The following FLT4 variants were observed in gnomAD, a reference collection of about 807,000 sequenced individuals.
FLT4 encodes vascular endothelial growth factor receptor 3.
A neutral mutation model predicts 163.2 loss-of-function variants in FLT4; 30 were observed. The observed-to-expected ratio is 0.18, with a 90% CI of 0.14 to 0.25. The LOEUF is 0.25. Ranked by LOEUF, FLT4 falls within the 10% of genes least tolerant of loss-of-function variation. FLT4 has a pLI of 1.00. For missense variants in FLT4, 1,510 were observed against 1,863.8 expected, an observed-to-expected ratio of 0.81 and a Z score of 3.50; for synonymous variants, 884 against 789.5, an observed-to-expected ratio of 1.12 and a Z score of -2.01.
At chr5:180,615,475 A>ACCGGTCACCTCCCTTC (rs1762599613) in intron 23 of FLT4, among the ~76,000 whole-genome samples, 1 of 32,330 alleles carries the variant, frequency 3.1e-5, no homozygotes, top group Admixed American at 5.0e-4. Flanking sequence ...CACTTCCGAA[A>ACCGGTCACCTCCCTTC]TCCACTGTCT....
At position 180,620,521 on chromosome 5, in the gene FLT4, G is replaced by C; in HGVS notation, c.2406+88C>G. 1 of 1,223,310 alleles carries C rather than the reference G, an allele frequency of 8.2e-7. No individual in the cohort carries two copies. The highest frequency in any genetic ancestry group is 1.5e-5 in the African/African-American group (1 of 67,608). The allele number at this position is 1,223,310 out of a possible 1,614,324, so 75.8% of individuals were successfully genotyped here. On this transcript the variant is annotated intron_variant, in intron 16 of 29. Transcript: ENST00000261937. This position sits in a 1 kb window ranked among gnomAD's most constrained non-coding sequence, Gnocchi z 4.4. ...GGAAACAAGGCTGCCAGGTGAACTAGGGCGGGCACCTTATTCTTTATCTTA... is the reference window on the plus strand; with the variant it reads ...GGAAACAAGGCTGCCAGGTGAACTACGGCGGGCACCTTATTCTTTATCTTA...
chr5:180,610,988 C>T (rs11746100), intron 27 of FLT4, among the ~76,000 whole-genome samples: 34,005 of 151,952 alleles, frequency 0.22, 4,294 homozygotes, highest in Middle Eastern at 0.31. Flanking sequence ...ACCTGGGAGG[C>T]GGAGCTTGCG....
chr5:180,629,794 G>C lies in FLT4; in HGVS notation c.718C>G (p.Leu240Val). 1 of 1,612,578 alleles carries C rather than the reference G, an allele frequency of 6.2e-7. No individual in the cohort carries two copies. Among genetic ancestry groups the C allele is most frequent in the East Asian group, 2.2e-5 (1 of 44,860 alleles). Residue 240 changes from leucine to valine, a missense_variant, in exon 6 of 30, where the codon CTG becomes GTG. Physicochemically the swap from Leu to Val is conservative, Grantham distance 32. Transcript: ENST00000261937. ...YDIQLLPRKS[L>V]ELLVGEKLVL... ...AGCTTCTCCCCTACCAGCAGCTCCA[G>C]CGACTTCCTGGGCAACAGCTGGATG...
rs1349129501 is a variant in FLT4 at position 180,619,868 on chromosome 5, G to C, written c.2543-99C>G. On this transcript the variant is annotated intron_variant, in intron 17 of 29. Transcript: ENST00000261937. ...CCCGTGCAGAGGTCCAGGAGGACAG[G>C]CCTGGCAGCAGGAGGAGCGTGGGGA... The C allele has an allele frequency of 4.7e-5, 42 of 892,006 alleles. No homozygotes were observed. The South Asian group carries it at 5.7e-4, about 12-fold the overall frequency. 55.3% of individuals were successfully genotyped at this position (892,006 alleles called of 1,614,324 possible). A position where few individuals can be genotyped will look rare whatever the true frequency, so the allele number is the denominator to read the frequency against.
At position 180,629,962 on chromosome 5, in the gene FLT4, G is replaced by A. The variant is rs372072577; in HGVS notation, c.657C>T (p.Pro219=). ...TWGDQDFLSN[P]FLVHITGNEL... ...TGTTACCTGTGATGTGCACCAGGAA[G>A]GGGTTGGAAAGGAAGTCCTGGTCTC... The change falls in exon 5 of 30, where the codon CCC becomes CCT. Residue 219 remains proline (P), a synonymous_variant. Transcript: ENST00000261937. 5.6e-6 allele frequency: 9 copies of A among 1,612,776 alleles called. No individual in the cohort carries two copies. Among genetic ancestry groups the A allele is most frequent in the Non-Finnish European group, 7.6e-6 (9 of 1,180,026 alleles).
intron 1 of FLT4, among the ~76,000 whole-genome samples, chr5:180,640,661 C>T (rs1765034741): frequency 6.6e-6 from 1 of 152,232 alleles, no homozygotes. Context: ...GGAGGGAAAA[C>T]CCAGCCCAGC....
At chr5:180,632,832 C>T (rs1413993995) in intron 1 of FLT4, among the ~76,000 whole-genome samples, 1 of 151,998 alleles carries the variant, frequency 6.6e-6, no homozygotes, top group Non-Finnish European at 1.5e-5. Flanking sequence ...GGGAGCAGGC[C>T]CCAGGGGAGG....
chr5:180,611,535 C>A, intron 26 of FLT4, 56 bp from the exon 27 acceptor site: 1 of 1,594,866 alleles, frequency 6.3e-7, no homozygotes, highest in Non-Finnish European at 8.6e-7. Context: ...TGCCCTCAGC[C>A]CTCGCCCCCA....
intron 1 of FLT4, among the ~76,000 whole-genome samples, chr5:180,640,199 G>T (rs139156729): frequency 6.6e-6 from 1 of 152,148 alleles, no homozygotes; most frequent in Non-Finnish European, 1.5e-5. Context: ...CACTAGCAGC[G>T]AGCGAGGTGG....
intron 1 of FLT4, 49 bp downstream of exon 1, chr5:180,649,439 T>G: frequency 7.2e-7 from 1 of 1,384,046 alleles, no homozygotes; most frequent in Admixed American, 2.5e-5. Flanking sequence ...CGGTACCCCC[T>G]CCCCGGCCAG....
At chr5:180,644,744 G>A (rs768180356) in intron 1 of FLT4, among the ~76,000 whole-genome samples, 1 of 152,286 alleles carries the variant, frequency 6.6e-6, no homozygotes, top group African/African-American at 2.4e-5. Flanking sequence ...CGCCACATCT[G>A]TGTGCATGTG....
At position 180,621,203 on chromosome 5, in the gene FLT4, G is replaced by A. The variant is rs1377949089; in HGVS notation, c.2070C>T (p.Asn690=). 6 of 1,612,810 alleles carry A rather than the reference G, an allele frequency of 3.7e-6. No homozygotes were observed. In the South Asian group the frequency reaches 5.5e-5, roughly 15 times the overall value. ...LTQNLTDLLV[N]VSDSLEMQCL... ...ACTGCATCTCCAGCGAGTCGCTCAC[G>A]TTCACCAGGAGGTCGGTCAAGTTCT... is the stretch of plus-strand genomic sequence containing the variant. Residue 690 remains asparagine (N), a synonymous_variant, in exon 14 of 30, where the codon AAC becomes AAT. Transcript: ENST00000261937.
chr5:180,626,092 T>A lies in FLT4; in HGVS notation c.1258+19A>T, dbSNP rs369435586. 97 of 1,612,644 alleles carry A rather than the reference T, an allele frequency of 6.0e-5. No individual in the cohort carries two copies. In the African/African-American group the frequency reaches 1.1e-3, roughly 19 times the overall value. On this transcript the variant is annotated intron_variant, in intron 9 of 29. Coordinates refer to ENST00000261937, the MANE Select transcript of FLT4 (RefSeq NM_182925.5). ...AATGCCAGGCCGCCCACCCGTGCGC[T>A]CTCCCGTCCCTGACCTACCATTCAC... is the stretch of plus-strand genomic sequence containing the variant.
chr5:180,626,170 G>A lies in FLT4; in HGVS notation c.1199C>T (p.Ala400Val), dbSNP rs140137910. The change falls in exon 9 of 30, where the codon GCC becomes GTC. Residue 400 changes from alanine (A) to valine (V), a missense_variant. Ala to Val is a moderately conservative substitution (Grantham distance 64). Transcript: ENST00000261937. ...CAGGCCAGCAGCGGAGTTCCACAGG[G>A]CGAGGGTGTAGGTGCCTGTGCTGGC... The part of the protein sequence containing the change: ...TEASTGTYTL[A>V]LWNSAAGLRR... 6.2e-7 allele frequency: 1 copy of A among 1,612,862 alleles called. No homozygotes were observed.
At chr5:180,626,343 T>C (rs1763611171) in intron 8 of FLT4, 78 bp from the exon 9 acceptor site, 20 of 1,511,132 alleles carry the variant, frequency 1.3e-5, no homozygotes, top group Non-Finnish European at 1.7e-5. Flanking sequence ...CCACCCCAAA[T>C]ACAGTTGGGA....
chr5:180,625,085 A>C (rs1763496304), intron 10 of FLT4, among the ~76,000 whole-genome samples: 1 of 152,202 alleles, frequency 6.6e-6, no homozygotes, highest in Non-Finnish European at 1.5e-5. Context: ...CCAGAGCCAC[A>C]GCCAGTGGGG....
chr5:180,648,728 A>G (rs1765600394), intron 1 of FLT4, among the ~76,000 whole-genome samples: 1 of 100,378 alleles, frequency 1.0e-5, no homozygotes, highest in Admixed American at 1.0e-4. Context: ...CGCCAGAGCC[A>G]CATCCCAACA....
intron 1 of FLT4, 45 bp downstream of exon 1, chr5:180,649,443 C>A: frequency 7.1e-7 from 1 of 1,407,910 alleles, no homozygotes; most frequent in African/African-American, 1.5e-5. Flanking sequence ...ACCCCCTCCC[C>A]GGCCAGCCCC....
chr5:180,638,835 G>GTGTT (rs1581703636), intron 1 of FLT4, among the ~76,000 whole-genome samples: 1 of 152,188 alleles, frequency 6.6e-6, no homozygotes, highest in African/African-American at 2.4e-5. Context: ...ATTTATTTAT[G>GTGTT]TGTTTGTTTG....
Sources: allele counts gnomAD v4.1 joint callset (sites outside exome capture counted in the v4.1 genomes callset), GRCh38; gene constraint gnomAD v4.1.1; non-coding constraint Gnocchi (gnomAD v3.1); transcripts MANE v1.5; gene names NCBI Gene and HGNC (gene_info 2026-07-23, HGNC 2026-07-21).